Variants in CACNB2 observed in about 807,000 individuals in gnomAD.
The protein encoded by CACNB2 is voltage-dependent L-type calcium channel subunit beta-2.
CACNB2 carries 42 observed loss-of-function variants against 73.3 expected under a neutral mutation model. That is an observed-to-expected ratio of 0.57 (90% CI 0.45 to 0.74). The LOEUF (loss-of-function observed/expected upper bound fraction) is 0.74. CACNB2 is among the 30% of genes least tolerant of loss of function. The pLI is 0.00. For missense variants in CACNB2, 940 were observed against 853.0 expected, an observed-to-expected ratio of 1.10 and a Z score of -1.27; for synonymous variants, 348 against 310.3, an observed-to-expected ratio of 1.12 and a Z score of -1.28.
chr10:18,373,880 C>A (rs2042686797), intron 2 of CACNB2, among the ~76,000 whole-genome samples: 1 of 152,084 alleles, frequency 6.6e-6, no homozygotes, highest in South Asian at 2.1e-4. Flanking sequence ...TTCCACACTT[C>A]CAAAACAAAG....
At chr10:18,192,578 C>G in intron 2 of CACNB2, among the ~76,000 whole-genome samples, 1 of 152,122 alleles carries the variant, frequency 6.6e-6, no homozygotes, top group East Asian at 1.9e-4. Flanking sequence ...CTCTCTCTTT[C>G]TAGTTCCAAC....
At chr10:18,166,416 C>A (rs2032856464) in intron 2 of CACNB2, among the ~76,000 whole-genome samples, 1 of 152,052 alleles carries the variant, frequency 6.6e-6, no homozygotes, top group Admixed American at 6.6e-5. Flanking sequence ...TCACCATGTC[C>A]AGCTAATTTT....
At chr10:18,516,073 G>C (rs1405137748) in intron 7 of CACNB2, among the ~76,000 whole-genome samples, 1 of 152,054 alleles carries the variant, frequency 6.6e-6, no homozygotes, top group Non-Finnish European at 1.5e-5. Flanking sequence ...AAATTAGCCT[G>C]GCATGGTGGC....
chr10:18,476,074 T>C (rs2048424756), intron 3 of CACNB2, among the ~76,000 whole-genome samples: 1 of 152,200 alleles, frequency 6.6e-6, no homozygotes. Context: ...TTCTTGATTA[T>C]ATACTAAACA....
rs1452534398 is a variant in CACNB2, at chr10:18,541,125, C to G, written c.*1401C>G. On this transcript the variant is annotated 3_prime_UTR_variant, in exon 14 of 14. Coordinates refer to ENST00000324631, the MANE Select transcript of CACNB2 (RefSeq NM_201596.3). ...AACTTCTCCCACTTCAATTTCTAACCTTGCCTATTGTTCCTGTTGTTTGTT... is the reference window on the plus strand; with the variant it reads ...AACTTCTCCCACTTCAATTTCTAACGTTGCCTATTGTTCCTGTTGTTTGTT... 2 of 152,558 alleles carry G rather than the reference C, an allele frequency of 1.3e-5. No individual in the cohort carries two copies. The highest frequency in any genetic ancestry group is 2.9e-5 in the Non-Finnish European group (2 of 68,020). The allele number at this position is 152,558 out of a possible 1,614,324, so 9.5% of individuals were successfully genotyped here. A position where few individuals can be genotyped will look rare whatever the true frequency, so the allele number is the denominator to read the frequency against.
intron 4 of CACNB2, chr10:18,498,759 C>A: frequency 5.2e-6 from 2 of 385,172 alleles, no homozygotes; most frequent in South Asian, 4.9e-5. Context: ...TTATGCTTAA[C>A]CTATACTTTT....
intron 3 of CACNB2, 118 bp from the exon 4 acceptor site, chr10:18,498,237 A>G: frequency 8.1e-7 from 1 of 1,239,398 alleles, no homozygotes; most frequent in South Asian, 1.3e-5. Context: ...GAACCAGTGC[A>G]GAGGGGAAAC....
intron 3 of CACNB2, among the ~76,000 whole-genome samples, chr10:18,470,685 G>A (rs1374521305): frequency 6.6e-6 from 1 of 152,048 alleles, no homozygotes; most frequent in Non-Finnish European, 1.5e-5. Context: ...CGCTATGTCT[G>A]TTCCCCCTTT....
Position 18,539,733 on chromosome 10 carries a change from C to T in CACNB2, c.*9C>T. On this transcript the variant is annotated 3_prime_UTR_variant, in exon 14 of 14. Transcript: ENST00000324631. The stretch of plus-strand genomic sequence containing the variant: ...TTTACATCCGCCAATGAGTTTTGCC[C>T]GTTTGTGTTTTTTTTTTTTTTTTTT... 6.4e-7 allele frequency: 1 copy of T among 1,563,872 alleles called. No individual in the cohort carries two copies. The highest frequency in any genetic ancestry group is 8.6e-7 in the Non-Finnish European group (1 of 1,167,412).
chr10:18,385,424 C>T (rs1010512531), intron 2 of CACNB2, among the ~76,000 whole-genome samples: 15 of 125,340 alleles, frequency 1.2e-4, no homozygotes, highest in Non-Finnish European at 1.7e-4. Flanking sequence ...TGTTCTAGAG[C>T]TAGCCTACAT....
intron 2 of CACNB2, chr10:18,261,298 G>A (rs1375757133): frequency 1.3e-6 from 2 of 1,551,390 alleles, no homozygotes; most frequent in East Asian, 2.4e-5. Context: ...GTGCATCGCC[G>A]GCGAGTACGG....
intron 2 of CACNB2, chr10:18,238,421 T>G: frequency 6.6e-6 from 1 of 152,194 alleles, no homozygotes; most frequent in East Asian, 1.9e-4. Context: ...ATTCTTATTT[T>G]CTTATCAGAA....
chr10:18,476,606 A>T (rs2132800444), intron 3 of CACNB2, among the ~76,000 whole-genome samples: 1 of 152,304 alleles, frequency 6.6e-6, no homozygotes, highest in African/African-American at 2.4e-5. Context: ...TTGGCTACAG[A>T]AAGTGACCAA....
chr10:18,526,417 A>G (rs532302707), intron 9 of CACNB2, among the ~76,000 whole-genome samples: 7 of 152,188 alleles, frequency 4.6e-5, no homozygotes, highest in Non-Finnish European at 1.0e-4. Context: ...AGGGTCTTGT[A>G]CCACACAGGA....
rs372277865 is a variant in CACNB2 at position 18,178,510 on chromosome 10, G to T, written c.213+27535G>T. 7.0e-4 allele frequency among the ~76,000 whole-genome samples: 106 copies of T among 152,260 alleles called. 1 individual carries two copies. The South Asian group carries it at 0.011, about 16-fold the overall frequency. ...TTCTCAAGGATCCAGTTGACCCACA[G>T]ATTTCTTCTTTTTTGATTCCTTTTA... On this transcript the variant is annotated intron_variant, in intron 2 of 13. Transcript: ENST00000324631.
intron 5 of CACNB2, among the ~76,000 whole-genome samples, chr10:18,504,619 G>T (rs184531952): frequency 6.7e-6 from 1 of 149,896 alleles, no homozygotes. Flanking sequence ...GCTTTCATAG[G>T]TTTTTACATT....
At chr10:18,408,289 A>G (rs1238412391) in intron 3 of CACNB2, among the ~76,000 whole-genome samples, 1 of 119,406 alleles carries the variant, frequency 8.4e-6, no homozygotes, top group Non-Finnish European at 1.6e-5. Context: ...CCCAGGCTGG[A>G]GTGCAGTGGT....
chr10:18,480,603 A>G (rs1162326484), intron 3 of CACNB2, among the ~76,000 whole-genome samples: 2 of 152,234 alleles, frequency 1.3e-5, no homozygotes, highest in Non-Finnish European at 2.9e-5. Flanking sequence ...TGAATTACAA[A>G]AGAAATGATT....
At chr10:18,184,232 G>A (rs562734315) in intron 2 of CACNB2, among the ~76,000 whole-genome samples, 1 of 152,302 alleles carries the variant, frequency 6.6e-6, no homozygotes, top group East Asian at 1.9e-4. Context: ...GAGAAAGACA[G>A]GACTTCTTGA....
Sources: allele counts gnomAD v4.1 joint callset (sites outside exome capture counted in the v4.1 genomes callset), GRCh38; gene constraint gnomAD v4.1.1; transcripts MANE v1.5; gene names NCBI Gene and HGNC (gene_info 2026-07-23, HGNC 2026-07-21).